CA10: variants seen among roughly 807,000 people sequenced by gnomAD.
CA10 encodes carbonic anhydrase 10 (inactive), also known as carbonic anhydrase-related protein 10.
CA10 carries 14 observed loss-of-function variants against 44.2 expected under a neutral mutation model. The observed-to-expected ratio is 0.32, with a 90% CI of 0.21 to 0.50. The LOEUF (loss-of-function observed/expected upper bound fraction) is 0.50. Among genes scored for constraint, CA10 ranks in the 20% least tolerant of loss-of-function variants. CA10 has a pLI of 0.99. For synonymous variants in CA10, 159 were observed against 141.6 expected, an observed-to-expected ratio of 1.12 and a Z score of -0.87; for missense variants, 350 against 409.7, an observed-to-expected ratio of 0.85 and a Z score of 1.26.
chr17:52,046,204 A>G (rs1173031193), intron 2 of CA10, among the ~76,000 whole-genome samples: 1 of 151,728 alleles, frequency 6.6e-6, no homozygotes, highest in African/African-American at 2.4e-5. Flanking sequence ...AGAAAAAGAC[A>G]TAATAAAGAA....
At chr17:51,747,596 T>G in intron 4 of CA10, 37 bp downstream of exon 4, 62 of 1,528,092 alleles carry the variant, frequency 4.1e-5, no homozygotes, top group Middle Eastern at 1.7e-4. Flanking sequence ...TCTTATAAGT[T>G]GACATTTAAC....
intron 2 of CA10, among the ~76,000 whole-genome samples, chr17:51,953,390 T>A (rs926699349): frequency 4.2e-4 from 64 of 152,252 alleles, no homozygotes; most frequent in African/African-American, 1.5e-3. Context: ...GTCTTTTCCA[T>A]CTCCACTACC....
intron 1 of CA10, among the ~76,000 whole-genome samples, chr17:52,121,771 G>A (rs1257308175): frequency 6.6e-6 from 1 of 152,028 alleles, no homozygotes; most frequent in East Asian, 1.9e-4. Flanking sequence ...AGAACACAGT[G>A]AAAATTGTGT....
intron 3 of CA10, among the ~76,000 whole-genome samples, chr17:51,817,531 C>T (rs1266228042): frequency 6.6e-6 from 1 of 152,184 alleles, no homozygotes; most frequent in African/African-American, 2.4e-5. Flanking sequence ...TGAAGCTGGG[C>T]ACAAGGGAAC....
At chr17:52,099,021 A>G (rs2143240362) in intron 1 of CA10, among the ~76,000 whole-genome samples, 1 of 152,318 alleles carries the variant, frequency 6.6e-6, no homozygotes, top group South Asian at 2.1e-4. Context: ...GAAGAATTTC[A>G]TATGGTGGTG....
chr17:51,981,387 A>G (rs1466348450), intron 2 of CA10, among the ~76,000 whole-genome samples: 1 of 152,044 alleles, frequency 6.6e-6, no homozygotes, highest in Non-Finnish European at 1.5e-5. Flanking sequence ...CGTGAATCTC[A>G]AAAACATGAT....
intron 3 of CA10, among the ~76,000 whole-genome samples, chr17:51,930,738 C>A (rs1186108615): frequency 6.6e-6 from 1 of 152,008 alleles, no homozygotes; most frequent in Non-Finnish European, 1.5e-5. Context: ...TATGGGGGTA[C>A]CAAGGTTGTC....
intron 4 of CA10, among the ~76,000 whole-genome samples, chr17:51,718,205 A>G (rs1004593166): frequency 6.6e-6 from 1 of 151,690 alleles, no homozygotes; most frequent in African/African-American, 2.4e-5. Context: ...CTGTACCCCA[A>G]TAATTTATGA....
chr17:52,099,698 G>T (rs1749762668), intron 1 of CA10, among the ~76,000 whole-genome samples: 1 of 152,328 alleles, frequency 6.6e-6, no homozygotes, highest in African/African-American at 2.4e-5. Flanking sequence ...ATATTCAGCA[G>T]ATGGTTCTTA....
At chr17:51,949,881 T>C (rs1016619668) in intron 2 of CA10, among the ~76,000 whole-genome samples, 2 of 152,142 alleles carry the variant, frequency 1.3e-5, no homozygotes, top group African/African-American at 4.8e-5. Flanking sequence ...AGCAACTCAG[T>C]CTAAGGCAGT....
At chr17:51,784,244 T>C (rs1159124032) in intron 3 of CA10, among the ~76,000 whole-genome samples, 1 of 151,826 alleles carries the variant, frequency 6.6e-6, no homozygotes, top group Non-Finnish European at 1.5e-5. Context: ...TATGTGGAGG[T>C]GACATTTATC....
At chr17:51,845,545 C>T (rs962708608) in intron 3 of CA10, among the ~76,000 whole-genome samples, 2 of 152,210 alleles carry the variant, frequency 1.3e-5, no homozygotes, top group Non-Finnish European at 2.9e-5. Context: ...AACCACTGAG[C>T]ATTGACGTAA....
intron 2 of CA10, among the ~76,000 whole-genome samples, chr17:52,022,084 A>G (rs1396556370): frequency 6.6e-6 from 1 of 151,794 alleles, no homozygotes; most frequent in Non-Finnish European, 1.5e-5. Flanking sequence ...AGGAGGAGAG[A>G]CTCCTCCCTA....
chr17:51,984,948 T>G (rs1413968716), intron 2 of CA10, among the ~76,000 whole-genome samples: 1 of 151,918 alleles, frequency 6.6e-6, no homozygotes, highest in Admixed American at 6.6e-5. Flanking sequence ...AAAGGAGAGT[T>G]GGTACCAATC....
At chr17:52,093,851 T>A (rs529162339) in intron 1 of CA10, among the ~76,000 whole-genome samples, 35 of 152,250 alleles carry the variant, frequency 2.3e-4, no homozygotes, top group African/African-American at 8.2e-4. Flanking sequence ...ATTAGGTAGT[T>A]TTTACCTTAT....
In CA10 at chr17:52,106,342, G is replaced by A. The variant is rs577188795; in HGVS notation, c.62-33949C>T. 3.3e-5 allele frequency among the ~76,000 whole-genome samples: 5 copies of A among 152,274 alleles called. No homozygotes were observed. In the East Asian group the frequency reaches 5.8e-4, roughly 18 times the overall value. ...TATGCTGGAAGTGGAGTGAGCCAGG[G>A]AGGTGGAATCCTCCACCGCTGATTT... On this transcript the variant is annotated intron_variant, in intron 1 of 8. Coordinates refer to ENST00000451037, the MANE Select transcript of CA10 (RefSeq NM_020178.5).
At chr17:52,048,817 A>T (rs929579813) in intron 2 of CA10, among the ~76,000 whole-genome samples, 1 of 152,054 alleles carries the variant, frequency 6.6e-6, no homozygotes, top group East Asian at 1.9e-4. Flanking sequence ...GCCAAATTGC[A>T]GATGGCTTTG....
intron 3 of CA10, among the ~76,000 whole-genome samples, chr17:51,896,620 C>T (rs144442000): frequency 2.4e-3 from 363 of 152,210 alleles, no homozygotes; most frequent in African/African-American, 8.2e-3. Context: ...ATTGCTGGGT[C>T]AAATGGTAGT....
chr17:51,937,993 T>C (rs1003657732), intron 2 of CA10, among the ~76,000 whole-genome samples: 1 of 152,146 alleles, frequency 6.6e-6, no homozygotes, highest in Non-Finnish European at 1.5e-5. Context: ...CCAACTATTA[T>C]ACAGGGAAAA....
Sources: gnomAD v4.1 joint callset for allele counts (sites outside exome capture counted in the v4.1 genomes callset) on GRCh38, gnomAD v4.1.1 for gene constraint, MANE v1.5 for transcripts, NCBI Gene and HGNC (gene_info 2026-07-23, HGNC 2026-07-21) for gene names.